Variants in LRRC28 observed in about 807,000 individuals in gnomAD.
LRRC28 encodes leucine rich repeat containing 28.
LRRC28 carries 39 observed loss-of-function variants against 45.7 expected under a neutral mutation model. The ratio of observed to expected loss-of-function variants is 0.85; its 90% CI spans 0.66 to 1.12. LRRC28 has a LOEUF of 1.12. Among genes scored for constraint, LRRC28 ranks in the 50% most tolerant of loss-of-function variants. The probability of loss-of-function intolerance (pLI) is 0.00; values close to 1 mark genes in which losing one functional copy is unlikely to be tolerated. For synonymous variants in LRRC28, 206 were observed against 178.8 expected (o/e 1.15, Z -1.22); for missense variants, 435 against 438.5 (o/e 0.99, Z 0.07).
At chr15:99,259,813 G>A in intron 2 of LRRC28, 1 of 907,850 alleles carries the variant, frequency 1.1e-6, no homozygotes, top group South Asian at 1.3e-5. Flanking sequence ...TCTTTTACCA[G>A]ACACTAAAGC....
At chr15:99,264,970 G>A (rs865781464) in intron 2 of LRRC28, among the ~76,000 whole-genome samples, 2 of 152,208 alleles carry the variant, frequency 1.3e-5, no homozygotes, top group Non-Finnish European at 2.9e-5. Context: ...AGACAGATGT[G>A]CACTGAGGGA....
intron 5 of LRRC28, among the ~76,000 whole-genome samples, chr15:99,306,254 G>A (rs947223562): frequency 5.3e-5 from 8 of 152,198 alleles, no homozygotes; most frequent in African/African-American, 1.7e-4. Context: ...GCACGACTGG[G>A]CAGGTTTGGT....
chr15:99,252,996 T>G (rs570173838), intron 1 of LRRC28, among the ~76,000 whole-genome samples: 1 of 152,314 alleles, frequency 6.6e-6, no homozygotes, highest in South Asian at 2.1e-4. Flanking sequence ...CTTTTTGGCT[T>G]TATTGACAAT....
At chr15:99,350,582 A>T (rs753055166) in intron 6 of LRRC28, among the ~76,000 whole-genome samples, 6 of 152,122 alleles carry the variant, frequency 3.9e-5, no homozygotes, top group Non-Finnish European at 8.8e-5. Flanking sequence ...CTACATTTCC[A>T]AGGCCTAGCA....
At chr15:99,341,449 C>G (rs1220316492) in intron 6 of LRRC28, among the ~76,000 whole-genome samples, 1 of 152,022 alleles carries the variant, frequency 6.6e-6, no homozygotes, top group Non-Finnish European at 1.5e-5. Context: ...GGGTTTTGCT[C>G]TTGTGTTAGG....
intron 5 of LRRC28, among the ~76,000 whole-genome samples, chr15:99,309,421 T>G (rs1384558941): frequency 6.6e-6 from 1 of 152,196 alleles, no homozygotes; most frequent in Non-Finnish European, 1.5e-5. Context: ...TTTTTTTTCT[T>G]TTTTTGAGAT....
Position 99,377,328 on chromosome 15 carries a change from G to C in LRRC28, c.1032-8702G>C, listed in dbSNP as rs540245504. Among the ~76,000 whole-genome samples the C allele has an allele frequency of 1.2e-3, 180 of 152,128 alleles. 4 individuals are homozygous for C. Among genetic ancestry groups the C allele is most frequent in the African/African-American group, 3.6e-3 (151 of 41,452 alleles). The stretch of plus-strand genomic sequence containing the variant: ...TGAGCATTTTTTCATGTGTTTTTTG[G>C]CTGCATAAATGTCTTCTTTTGAGAA... On this transcript the variant is annotated intron_variant, in intron 9 of 9. Coordinates refer to ENST00000301981, the MANE Select transcript of LRRC28 (RefSeq NM_144598.5).
At chr15:99,254,440 G>T (rs919268316) in intron 1 of LRRC28, among the ~76,000 whole-genome samples, 1 of 152,132 alleles carries the variant, frequency 6.6e-6, no homozygotes, top group Non-Finnish European at 1.5e-5. Context: ...TACTAATTTG[G>T]TATTAATTCC....
rs183815266 is a variant in LRRC28 at position 99,302,122 on chromosome 15, G to T, written c.385+14171G>T. On this transcript the variant is annotated intron_variant, in intron 5 of 9. Transcript: ENST00000301981. ...GCTCACTGCAAGCTCCACCTCCCGG[G>T]TTCACACCATTCTCCTGCCTCAGCC... Among the ~76,000 whole-genome samples the T allele has an allele frequency of 6.3e-3, 951 of 151,754 alleles. 14 individuals carry two copies. The highest frequency in any genetic ancestry group is 0.022 in the African/African-American group (892 of 41,334).
At chr15:99,376,994 G>A (rs897450257) in intron 9 of LRRC28, among the ~76,000 whole-genome samples, 45 of 152,152 alleles carry the variant, frequency 3.0e-4, no homozygotes, top group South Asian at 8.3e-4. Context: ...GAATAGTGCC[G>A]CAATAAACAT....
intron 6 of LRRC28, among the ~76,000 whole-genome samples, chr15:99,351,270 A>G (rs1000834125): frequency 1.3e-5 from 2 of 152,152 alleles, no homozygotes; most frequent in Non-Finnish European, 2.9e-5. Flanking sequence ...GATGGCCTGT[A>G]TATCTGAGAA....
At chr15:99,326,462 G>C (rs1955981110) in intron 5 of LRRC28, 1 of 152,262 alleles carries the variant, frequency 6.6e-6, no homozygotes, top group Admixed American at 6.5e-5. Context: ...GGCAGAGCAA[G>C]CAAGAGCCAA....
At chr15:99,311,598 G>A (rs1391800175) in intron 5 of LRRC28, among the ~76,000 whole-genome samples, 2 of 152,198 alleles carry the variant, frequency 1.3e-5, no homozygotes, top group Non-Finnish European at 2.9e-5. Context: ...GGCAAACTAT[G>A]ACACACAGAC....
At chr15:99,302,066 G>T (rs2152245196) in intron 5 of LRRC28, among the ~76,000 whole-genome samples, 1 of 143,284 alleles carries the variant, frequency 7.0e-6, no homozygotes, top group South Asian at 2.2e-4. Context: ...TTGCTCTGTT[G>T]CCCAGGCTGG....
chr15:99,361,629 C>T (rs1957206592), intron 8 of LRRC28, 118 bp downstream of exon 8: 2 of 970,156 alleles, frequency 2.1e-6, no homozygotes, highest in East Asian at 5.0e-5. Context: ...ATACACATAA[C>T]ACGAAAGTAA....
intron 7 of LRRC28, 169 bp from the exon 8 acceptor site, chr15:99,361,167 C>A: frequency 4.0e-6 from 3 of 749,924 alleles, no homozygotes; most frequent in Non-Finnish European, 4.1e-6. Context: ...GATTGCTGGG[C>A]CAGGTTTTAT....
chr15:99,350,492 A>C (rs1231449862), intron 6 of LRRC28, among the ~76,000 whole-genome samples: 1 of 152,236 alleles, frequency 6.6e-6, no homozygotes, highest in African/African-American at 2.4e-5. Flanking sequence ...ACCTTCAACC[A>C]GCCTCTCTAA....
intron 9 of LRRC28, among the ~76,000 whole-genome samples, chr15:99,378,242 T>C (rs905244562): frequency 3.9e-5 from 6 of 152,230 alleles, no homozygotes; most frequent in Non-Finnish European, 8.8e-5. Context: ...GTAGTTCTCC[T>C]TGAAGAGGTT....
intron 2 of LRRC28, among the ~76,000 whole-genome samples, chr15:99,274,975 A>G (rs867582180): frequency 1.3e-5 from 2 of 152,050 alleles, no homozygotes; most frequent in Non-Finnish European, 2.9e-5. Context: ...TTATTGATAC[A>G]CAGTTTACCC....
Sources: allele counts gnomAD v4.1 joint callset (sites outside exome capture counted in the v4.1 genomes callset), GRCh38; gene constraint gnomAD v4.1.1; transcripts MANE v1.5; gene names NCBI Gene and HGNC (gene_info 2026-07-23, HGNC 2026-07-21).